The following NETO1 variants were observed in gnomAD, a reference collection of about 807,000 sequenced individuals.
NETO1 encodes neuropilin and tolloid-like protein 1.
NETO1 carries 26 observed loss-of-function variants against 61.3 expected under a neutral mutation model. The observed-to-expected ratio is 0.42, with a 90% CI of 0.31 to 0.59. The LOEUF is 0.59. Among genes scored for constraint, NETO1 ranks in the 20% least tolerant of loss-of-function variants. The pLI is 0.12. For synonymous variants in NETO1, 225 were observed against 225.8 expected, an observed-to-expected ratio of 1.00 and a Z score of 0.03; for missense variants, 531 against 662.8, an observed-to-expected ratio of 0.80 and a Z score of 2.18.
chr18:72,757,284 TAG>T (rs1734670102), intron 7 of NETO1, among the ~76,000 whole-genome samples: 2 of 152,282 alleles, frequency 1.3e-5, no homozygotes, highest in Admixed American at 1.3e-4. Context: ...ACATAAGTTT[TAG>T]AGTTAGCTTC....
chr18:72,829,510 G>A (rs1388266598), intron 4 of NETO1, among the ~76,000 whole-genome samples: 1 of 151,868 alleles, frequency 6.6e-6, no homozygotes, highest in Non-Finnish European at 1.5e-5. Context: ...ACTTTACCTG[G>A]ACACACCTGG....
At chr18:72,759,189 C>T (rs1268005726) in intron 7 of NETO1, among the ~76,000 whole-genome samples, 1 of 152,092 alleles carries the variant, frequency 6.6e-6, no homozygotes, top group African/African-American at 2.4e-5. Flanking sequence ...GTCCACACAC[C>T]ACTCCCTCCT....
chr18:72,845,859 T>C (rs2074065244), intron 4 of NETO1, among the ~76,000 whole-genome samples: 1 of 152,208 alleles, frequency 6.6e-6, no homozygotes, highest in African/African-American at 2.4e-5. Context: ...CCTTATGGCG[T>C]ATTACTTTGC....
intron 4 of NETO1, among the ~76,000 whole-genome samples, chr18:72,801,515 T>C (rs889117296): frequency 3.3e-5 from 5 of 152,158 alleles, no homozygotes; most frequent in Non-Finnish European, 5.9e-5. Context: ...TATTCTAAGT[T>C]TAGGGTGTAA....
At chr18:72,753,955 C>T (rs751172223) in intron 8 of NETO1, among the ~76,000 whole-genome samples, 13 of 152,010 alleles carry the variant, frequency 8.6e-5, no homozygotes, top group Non-Finnish European at 1.0e-4. Flanking sequence ...TTCTCCCAAC[C>T]ACTTTAAAAG....
At chr18:72,755,599 T>C (rs949503869) in intron 8 of NETO1, among the ~76,000 whole-genome samples, 3 of 151,946 alleles carry the variant, frequency 2.0e-5, no homozygotes, top group Non-Finnish European at 4.4e-5. Flanking sequence ...TGGAGTGAAG[T>C]AGCTGGAAGT....
rs141723125 is a variant in NETO1 at position 72,791,367 on chromosome 18, G to A, written c.639+2750C>T. ...TTCAAGTTTAACTTGTGCTTTGATA[G>A]TCTATTCTCATAAGCTGCTAGGAAC... On this transcript the variant is annotated intron_variant, in intron 6 of 10. Coordinates refer to ENST00000327305, the MANE Select transcript of NETO1 (RefSeq NM_138966.5). 5.8e-3 allele frequency among the ~76,000 whole-genome samples: 882 copies of A among 152,254 alleles called. 14 individuals are homozygous for A. Among genetic ancestry groups the A allele is most frequent in the South Asian group, 0.051 (245 of 4,828 alleles).
chr18:72,855,182 T>C (rs535562094), intron 4 of NETO1, among the ~76,000 whole-genome samples: 18 of 152,194 alleles, frequency 1.2e-4, no homozygotes, highest in Non-Finnish European at 2.4e-4. Context: ...TGAACTGGGA[T>C]AGCATATTGC....
intron 3 of NETO1, among the ~76,000 whole-genome samples, chr18:72,859,670 G>A (rs755565619): frequency 2.4e-4 from 37 of 152,144 alleles, no homozygotes; most frequent in South Asian, 4.1e-4. Context: ...CCTGCGTCCA[G>A]GACCCTATCC....
chr18:72,824,510 G>C (rs2073311955), intron 4 of NETO1, among the ~76,000 whole-genome samples: 1 of 152,186 alleles, frequency 6.6e-6, no homozygotes, highest in Admixed American at 6.5e-5. Flanking sequence ...CATCACATGA[G>C]AATAGTTCCC....
At chr18:72,766,642 C>A (rs2071171815) in intron 7 of NETO1, among the ~76,000 whole-genome samples, 1 of 152,058 alleles carries the variant, frequency 6.6e-6, no homozygotes, top group Non-Finnish European at 1.5e-5. Context: ...ACAAGAAATT[C>A]TGTTCACAAA....
At chr18:72,790,814 G>A (rs541077531) in intron 6 of NETO1, among the ~76,000 whole-genome samples, 7 of 152,138 alleles carry the variant, frequency 4.6e-5, no homozygotes, top group South Asian at 4.2e-4. Context: ...GAAATAATCC[G>A]TTTATTTATT....
At chr18:72,790,876 A>T (rs1239050497) in intron 6 of NETO1, among the ~76,000 whole-genome samples, 1 of 152,142 alleles carries the variant, frequency 6.6e-6, no homozygotes, top group Non-Finnish European at 1.5e-5. Context: ...GGGTATCTGG[A>T]GATAAATATG....
chr18:72,777,450 A>C (rs1289175041), intron 7 of NETO1, among the ~76,000 whole-genome samples: 2 of 144,610 alleles, frequency 1.4e-5, no homozygotes, highest in African/African-American at 5.2e-5. Context: ...AACAAAAAAA[A>C]AACAAAAAAG....
At chr18:72,851,418 A>T (rs1305488557) in intron 4 of NETO1, among the ~76,000 whole-genome samples, 1 of 152,132 alleles carries the variant, frequency 6.6e-6, no homozygotes, top group African/African-American at 2.4e-5. Flanking sequence ...TCAAAACAAA[A>T]AAAGAAAAAA....
intron 4 of NETO1, among the ~76,000 whole-genome samples, chr18:72,809,554 A>C (rs1436882447): frequency 6.6e-6 from 1 of 152,230 alleles, no homozygotes; most frequent in African/African-American, 2.4e-5. Context: ...TTATGTAAAA[A>C]TAAATTATCC....
At chr18:72,796,851 C>A (rs2145295410) in intron 4 of NETO1, among the ~76,000 whole-genome samples, 1 of 152,176 alleles carries the variant, frequency 6.6e-6, no homozygotes, top group African/African-American at 2.4e-5. Flanking sequence ...CATCATAGAT[C>A]ATTTGGAACA....
chr18:72,813,574 G>A (rs1035962254), intron 4 of NETO1, among the ~76,000 whole-genome samples: 22 of 152,092 alleles, frequency 1.4e-4, no homozygotes, highest in Non-Finnish European at 2.9e-4. Context: ...GAAAATATCT[G>A]CAGGGAATAG....
chr18:72,786,331 T>C (rs2071916946), intron 6 of NETO1, among the ~76,000 whole-genome samples: 1 of 152,154 alleles, frequency 6.6e-6, no homozygotes, highest in Admixed American at 6.5e-5. Context: ...AAATAGAATG[T>C]GAAGTTCTAA....
Sources: allele counts gnomAD v4.1 joint callset (sites outside exome capture counted in the v4.1 genomes callset), GRCh38; gene constraint gnomAD v4.1.1; transcripts MANE v1.5; gene names NCBI Gene and HGNC (gene_info 2026-07-23, HGNC 2026-07-21).